Variants in WDFY2 observed in about 807,000 individuals in gnomAD.
WDFY2 encodes WD repeat and FYVE domain-containing protein 2.
A neutral mutation model predicts 56.4 loss-of-function variants in WDFY2; 36 were observed. The ratio of observed to expected loss-of-function variants is 0.64; its 90% CI spans 0.49 to 0.84. The LOEUF (loss-of-function observed/expected upper bound fraction) is 0.84. WDFY2 is among the 40% of genes least tolerant of loss of function. The pLI is 0.00. For missense variants in WDFY2, 444 were observed against 512.2 expected, an observed-to-expected ratio of 0.87 and a Z score of 1.29; for synonymous variants, 176 against 183.7, an observed-to-expected ratio of 0.96 and a Z score of 0.34.
At chr13:51,653,633 C>T (rs1318977531) in intron 1 of WDFY2, among the ~76,000 whole-genome samples, 1 of 152,194 alleles carries the variant, frequency 6.6e-6, no homozygotes, top group Admixed American at 6.5e-5. Flanking sequence ...CAGTCAGGAC[C>T]CTCAGCTGCG....
chr13:51,587,722 T>C (rs1451114471), intron 1 of WDFY2: 1 of 152,214 alleles, frequency 6.6e-6, no homozygotes, highest in Admixed American at 6.5e-5. Flanking sequence ...TAGAAGAATA[T>C]TGCTTAATAA....
chr13:51,695,425 G>T (rs1486642352), intron 3 of WDFY2, among the ~76,000 whole-genome samples: 1 of 152,204 alleles, frequency 6.6e-6, no homozygotes, highest in South Asian at 2.1e-4. Flanking sequence ...CTGTATGTCT[G>T]TTGGAGTTTG....
chr13:51,620,900 TCTC>T (rs1370588887), intron 1 of WDFY2, among the ~76,000 whole-genome samples: 1 of 152,156 alleles, frequency 6.6e-6, no homozygotes. Context: ...TGCCTCTGGC[TCTC>T]CTCCTATCTC....
chr13:51,643,423 G>A lies in WDFY2; in HGVS notation c.138-17173G>A, dbSNP rs181857391. Among the ~76,000 whole-genome samples the A allele has an allele frequency of 1.5e-3, 224 of 152,332 alleles. 1 individual carries two copies. Among genetic ancestry groups the A allele is most frequent in the African/African-American group, 5.2e-3 (216 of 41,560 alleles). ...CACATGCCTGCCACTGTAACTGGCT[G>A]GAGGAATATGGTGGTGAGTAGGATG... On this transcript the variant is annotated intron_variant, in intron 1 of 11. Coordinates refer to ENST00000298125, the MANE Select transcript of WDFY2 (RefSeq NM_052950.4).
At chr13:51,628,067 C>T (rs1241643496) in intron 1 of WDFY2, among the ~76,000 whole-genome samples, 2 of 152,222 alleles carry the variant, frequency 1.3e-5, no homozygotes, top group African/African-American at 4.8e-5. Context: ...CAGGCCATCC[C>T]TGTCTTGAAG....
rs556722992 is a variant in WDFY2, at chr13:51,713,518, G to A, written c.335-5680G>A. 1.2e-4 allele frequency among the ~76,000 whole-genome samples: 18 copies of A among 152,294 alleles called. No individual in the cohort carries two copies. The South Asian group carries it at 3.7e-3, about 32-fold the overall frequency. ...AATATTATTCAACCTTAAAAGGGTAGGAAGTTCTGACACATGCAAATGAAC... is the reference window on the plus strand; with the variant it reads ...AATATTATTCAACCTTAAAAGGGTAAGAAGTTCTGACACATGCAAATGAAC... On this transcript the variant is annotated intron_variant, in intron 4 of 11. Transcript: ENST00000298125.
chr13:51,712,904 A>G (rs1952256161), intron 4 of WDFY2, among the ~76,000 whole-genome samples: 1 of 152,192 alleles, frequency 6.6e-6, no homozygotes, highest in African/African-American at 2.4e-5. Flanking sequence ...AAAAATACAA[A>G]TTGTGAAAGA....
intron 4 of WDFY2, among the ~76,000 whole-genome samples, chr13:51,704,688 A>T (rs1307485617): frequency 6.6e-6 from 1 of 152,148 alleles, no homozygotes; most frequent in African/African-American, 2.4e-5. Context: ...TATATATTTT[A>T]CATCTGTAAT....
intron 1 of WDFY2, among the ~76,000 whole-genome samples, chr13:51,625,144 A>G (rs993168065): frequency 2.0e-5 from 3 of 152,336 alleles, no homozygotes; most frequent in Non-Finnish European, 4.4e-5. Flanking sequence ...ACATTGCAGT[A>G]GGAGACGTAA....
At chr13:51,645,784 G>C (rs1955251955) in intron 1 of WDFY2, among the ~76,000 whole-genome samples, 1 of 151,988 alleles carries the variant, frequency 6.6e-6, no homozygotes, top group Non-Finnish European at 1.5e-5. Context: ...TTTGTTGTTG[G>C]CCTTCTTTTC....
rs766279668 is a variant in WDFY2 at position 51,758,203 on chromosome 13, C to T, written c.1076C>T (p.Thr359Ile). 6.3e-7 allele frequency: 1 copy of T among 1,576,500 alleles called. No homozygotes were observed. The highest frequency in any genetic ancestry group is 8.7e-7 in the Non-Finnish European group (1 of 1,152,020). Residue 359 changes from threonine to isoleucine, a missense_variant, in exon 11 of 12, where the codon ACA becomes ATA. Transcript: ENST00000298125. ...TTTGCTCCTTCTAGACGTGCACCCA[C>T]AGCCACCTTCCATGACAGTAAACAT... ...EAITDEERAPTATFHDSKHNI... is the reference protein window; with the variant it reads ...EAITDEERAPIATFHDSKHNI...
chr13:51,753,244 G>C (rs1953277902), intron 8 of WDFY2: 1 of 152,228 alleles, frequency 6.6e-6, no homozygotes, highest in African/African-American at 2.4e-5. Context: ...TTGATGCAGT[G>C]CATTAATGCT....
intron 1 of WDFY2, among the ~76,000 whole-genome samples, chr13:51,650,246 A>G (rs1955348097): frequency 6.6e-6 from 1 of 152,088 alleles, no homozygotes; most frequent in South Asian, 2.1e-4. Flanking sequence ...AATGCTTGTG[A>G]TTTTTGCATA....
intron 1 of WDFY2, among the ~76,000 whole-genome samples, chr13:51,621,371 G>T (rs151173979): frequency 6.6e-6 from 1 of 152,142 alleles, no homozygotes; most frequent in Non-Finnish European, 1.5e-5. Flanking sequence ...TGGGCGTAGT[G>T]GTGGGCACCT....
At chr13:51,658,513 G>A (rs1258899255) in intron 1 of WDFY2, among the ~76,000 whole-genome samples, 1 of 152,252 alleles carries the variant, frequency 6.6e-6, no homozygotes, top group African/African-American at 2.4e-5. Flanking sequence ...GCCTGCCGTA[G>A]GGATGGGGCT....
At chr13:51,656,107 CT>C (rs1184190444) in intron 1 of WDFY2, among the ~76,000 whole-genome samples, 3 of 125,948 alleles carry the variant, frequency 2.4e-5, no homozygotes, top group African/African-American at 9.1e-5. Context: ...CCTTTGCTGG[CT>C]TTGGGTTTAG....
At chr13:51,692,204 G>T (rs1212218896) in intron 3 of WDFY2, among the ~76,000 whole-genome samples, 1 of 151,944 alleles carries the variant, frequency 6.6e-6, no homozygotes, top group Non-Finnish European at 1.5e-5. Flanking sequence ...TTGCCTAATT[G>T]CCCTGGCCAG....
chr13:51,751,200 A>C, intron 7 of WDFY2, 110 bp from the exon 8 acceptor site: 1 of 923,282 alleles, frequency 1.1e-6, no homozygotes, highest in Non-Finnish European at 1.6e-6. Flanking sequence ...TAAGATCTAC[A>C]CTGGGGGCTC....
chr13:51,619,250 T>C (rs1954681417), intron 1 of WDFY2, among the ~76,000 whole-genome samples: 1 of 152,100 alleles, frequency 6.6e-6, no homozygotes, highest in Non-Finnish European at 1.5e-5. Flanking sequence ...CCCAGGAGTT[T>C]GAGACCAGCT....
Sources: allele counts gnomAD v4.1 joint callset (sites outside exome capture counted in the v4.1 genomes callset), GRCh38; gene constraint gnomAD v4.1.1; transcripts MANE v1.5; gene names NCBI Gene and HGNC (gene_info 2026-07-23, HGNC 2026-07-21).